Variants in SV2B observed in about 807,000 individuals in gnomAD.
The protein encoded by SV2B is synaptic vesicle glycoprotein 2B, also known as solute carrier family 22 member B2.
A neutral mutation model predicts 73.9 loss-of-function variants in SV2B; 41 were observed. The ratio of observed to expected loss-of-function variants is 0.56; its 90% CI spans 0.43 to 0.72. The LOEUF (loss-of-function observed/expected upper bound fraction) is 0.72. Ranked by LOEUF, SV2B falls within the 30% of genes least tolerant of loss-of-function variation. SV2B has a pLI of 0.00. For missense variants in SV2B, 764 were observed against 857.8 expected, an observed-to-expected ratio of 0.89 and a Z score of 1.37; for synonymous variants, 314 against 314.2, an observed-to-expected ratio of 1.00 and a Z score of 0.01.
chr15:91,117,750 A>T (rs1567265731), intron 1 of SV2B, among the ~76,000 whole-genome samples: 2 of 152,242 alleles, frequency 1.3e-5, no homozygotes, highest in Admixed American at 1.3e-4. Flanking sequence ...GTGCGAAAGT[A>T]TACTCTTCTC....
intron 9 of SV2B, among the ~76,000 whole-genome samples, chr15:91,273,392 A>G (rs2048380036): frequency 6.6e-6 from 1 of 152,232 alleles, no homozygotes; most frequent in Admixed American, 6.5e-5. Context: ...AGAGTTGATA[A>G]CATTTCTCAG....
Position 91,297,006 on chromosome 15 carries a change from T to C in SV2B, c.*4454T>C, listed in dbSNP as rs1044480751. The C allele has an allele frequency of 6.6e-6, 1 of 151,476 alleles. No homozygotes were observed. The highest frequency in any genetic ancestry group is 2.5e-5 in the African/African-American group (1 of 40,248). 9.4% of individuals were successfully genotyped at this position (151,476 alleles called of 1,614,324 possible). A position where few individuals can be genotyped will look rare whatever the true frequency, so the allele number is the denominator to read the frequency against. On this transcript the variant is annotated 3_prime_UTR_variant, in exon 13 of 13. Coordinates refer to ENST00000394232, the MANE Select transcript of SV2B (RefSeq NM_001323032.3). The surrounding 1 kb of genome is among the most constrained non-coding windows in gnomAD (Gnocchi z 5.1). ...CCGATCGTTGGGCGCACGCTCCTTC[T>C]GCCCGATCGTTGGGCGCACGCTTCT...
Position 91,300,733 on chromosome 15 carries a change from C to T in SV2B, c.*8181C>T, listed in dbSNP as rs368890944. The T allele has an allele frequency of 1.3e-5, 2 of 152,284 alleles. No individual in the cohort carries two copies. The highest frequency in any genetic ancestry group is 4.8e-5 in the African/African-American group (2 of 41,562). 9.4% of individuals were successfully genotyped at this position (152,284 alleles called of 1,614,324 possible). On this transcript the variant is annotated 3_prime_UTR_variant, in exon 13 of 13. Coordinates refer to ENST00000394232, the MANE Select transcript of SV2B (RefSeq NM_001323032.3). ...CTTAATCCTTTGGCTAGATGGGATA[C>T]CTCTTCTACCTTTTCAGAGGTGAGC...
chr15:91,208,222 C>T (rs1273224115), intron 1 of SV2B, among the ~76,000 whole-genome samples: 4 of 152,130 alleles, frequency 2.6e-5, no homozygotes, highest in Non-Finnish European at 5.9e-5. Context: ...TTTCAAATTC[C>T]CCAGCAGATA....
chr15:91,247,577 A>G (rs2047287577), intron 2 of SV2B, among the ~76,000 whole-genome samples: 1 of 152,184 alleles, frequency 6.6e-6, no homozygotes, highest in Admixed American at 6.5e-5. Context: ...ATAAAGCTGC[A>G]ACTCAGCTCT....
intron 1 of SV2B, among the ~76,000 whole-genome samples, chr15:91,212,421 T>G (rs2045899478): frequency 2.6e-5 from 4 of 152,190 alleles, no homozygotes; most frequent in Admixed American, 2.6e-4. Context: ...AAAGTCCCTG[T>G]GTGCTCCTGC....
At chr15:91,269,230 C>G (rs565812176) in intron 9 of SV2B, among the ~76,000 whole-genome samples, 1 of 152,294 alleles carries the variant, frequency 6.6e-6, no homozygotes, top group African/African-American at 2.4e-5. Context: ...GCCATCCGCC[C>G]TGTTGTGCTT....
At chr15:91,151,416 A>G (rs2043310056) in intron 1 of SV2B, among the ~76,000 whole-genome samples, 1 of 152,234 alleles carries the variant, frequency 6.6e-6, no homozygotes, top group Non-Finnish European at 1.5e-5. Flanking sequence ...CTGAATAACA[A>G]AAGTTAAATA....
chr15:91,129,132 C>T lies in SV2B; in HGVS notation c.-392+28769C>T, dbSNP rs6416560. Among the ~76,000 whole-genome samples, 152,329 of 152,334 alleles carry T rather than the reference C, an allele frequency of 1. 76,162 individuals carry two copies. The highest frequency in any genetic ancestry group is 1 in the Middle Eastern group (294 of 294). ...TCAAACAGGAGTGAAATAATCCCAG[C>T]GACAGCGTATGTGTGAGATCCTTGG... On this transcript the variant is annotated intron_variant, in intron 1 of 12. Transcript: ENST00000394232. The surrounding 1 kb of genome is among the most constrained non-coding windows in gnomAD (Gnocchi z 5.1).
intron 1 of SV2B, among the ~76,000 whole-genome samples, chr15:91,187,714 A>T (rs927368288): frequency 1.3e-5 from 2 of 151,648 alleles, no homozygotes; most frequent in Non-Finnish European, 2.9e-5. Flanking sequence ...TGCTGCAATG[A>T]TAAGTAGATT....
intron 1 of SV2B, among the ~76,000 whole-genome samples, chr15:91,151,636 C>A (rs2043315456): frequency 6.6e-6 from 1 of 152,192 alleles, no homozygotes. Flanking sequence ...AAAAGCAAAG[C>A]AGTGCTGGGT....
rs1252622417 is a variant in SV2B at position 91,296,782 on chromosome 15, CT to C, written c.*4231del. ...CCCGATCGTTGGGAGCACACTCCTT[CT>C]GCCCAATCATTGGGCTCACGCTCCT... On this transcript the variant is annotated 3_prime_UTR_variant, in exon 13 of 13. Coordinates refer to ENST00000394232, the MANE Select transcript of SV2B (RefSeq NM_001323032.3). 2 of 152,428 alleles carry C rather than the reference CT, an allele frequency of 1.3e-5. No homozygotes were observed. Among genetic ancestry groups the C allele is most frequent in the African/African-American group, 5.0e-5 (2 of 40,246 alleles). The allele number at this position is 152,428 out of a possible 1,614,324, so 9.4% of individuals were successfully genotyped here.
intron 6 of SV2B, among the ~76,000 whole-genome samples, chr15:91,263,423 CACAG>C (rs904248292): frequency 7.9e-5 from 12 of 151,676 alleles, no homozygotes; most frequent in Admixed American, 3.3e-4. Flanking sequence ...CACAGAAACA[CACAG>C]ACACACATTA....
chr15:91,106,011 T>C lies in SV2B; in HGVS notation c.-392+5648T>C, dbSNP rs555007509. On this transcript the variant is annotated intron_variant, in intron 1 of 12. Transcript: ENST00000394232. The surrounding 1 kb of genome is among the most constrained non-coding windows in gnomAD (Gnocchi z 4.4). ...GCTGCAGTGAGTCACGATAATGCCA[T>C]TGTACTCCAGCCTGGACAATGGATT... 6.6e-6 allele frequency among the ~76,000 whole-genome samples: 1 copy of C among 152,102 alleles called. No homozygotes were observed. The highest frequency in any genetic ancestry group is 2.1e-4 in the South Asian group (1 of 4,810).
At chr15:91,160,022 T>C (rs2043654119) in intron 1 of SV2B, among the ~76,000 whole-genome samples, 1 of 152,302 alleles carries the variant, frequency 6.6e-6, no homozygotes, top group South Asian at 2.1e-4. Context: ...ATGTAATATC[T>C]ACATGAAGGA....
chr15:91,301,704 G>A lies in SV2B; in HGVS notation c.*9152G>A, dbSNP rs1450689537. ...AGACTGAGTATTCCTTATCCCAAAT[G>A]TTTGGGACCAGAAGTGTTCTGGATT... On this transcript the variant is annotated 3_prime_UTR_variant, in exon 13 of 13. Coordinates refer to ENST00000394232, the MANE Select transcript of SV2B (RefSeq NM_001323032.3). This position sits in a 1 kb window ranked among gnomAD's most constrained non-coding sequence, Gnocchi z 4.3. Among the ~76,000 whole-genome samples, 1 of 152,160 alleles carries A rather than the reference G, an allele frequency of 6.6e-6. No individual in the cohort carries two copies. The highest frequency in any genetic ancestry group is 2.4e-5 in the African/African-American group (1 of 41,418).
At chr15:91,209,246 C>T (rs1567346748) in intron 1 of SV2B, among the ~76,000 whole-genome samples, 1 of 151,842 alleles carries the variant, frequency 6.6e-6, no homozygotes, top group East Asian at 1.9e-4. Context: ...CTCAGCCTCC[C>T]AACTAGCTGG....
At chr15:91,275,898 T>C (rs1203060631) in intron 9 of SV2B, among the ~76,000 whole-genome samples, 1 of 152,202 alleles carries the variant, frequency 6.6e-6, no homozygotes, top group Non-Finnish European at 1.5e-5. Context: ...AAGTTTCAAA[T>C]GTAGATAGGT....
Position 91,132,610 on chromosome 15 carries a change from G to C in SV2B, c.-392+32247G>C, listed in dbSNP as rs889731752. On this transcript the variant is annotated intron_variant, in intron 1 of 12. Transcript: ENST00000394232. The surrounding 1 kb of genome is among the most constrained non-coding windows in gnomAD (Gnocchi z 4.6). ...CCTCTGGTCCTTTTGTTACTTAGGA[G>C]TGGAAAGTTAGGGTTTTCCTTTTGA... is the stretch of plus-strand genomic sequence containing the variant. Among the ~76,000 whole-genome samples, 2 of 152,208 alleles carry C rather than the reference G, an allele frequency of 1.3e-5. No homozygotes were observed. Among genetic ancestry groups the C allele is most frequent in the Admixed American group, 1.3e-4 (2 of 15,288 alleles).
Sources: gnomAD v4.1 joint callset for allele counts (sites outside exome capture counted in the v4.1 genomes callset) on GRCh38, gnomAD v4.1.1 for gene constraint, Gnocchi (gnomAD v3.1) non-coding constraint, MANE v1.5 for transcripts, NCBI Gene and HGNC (gene_info 2026-07-23, HGNC 2026-07-21) for gene names.